TAFA1: variants seen among roughly 807,000 people sequenced by gnomAD.
TAFA1 encodes chemokine-like protein TAFA-1.
TAFA1 carries 4 observed loss-of-function variants against 18.5 expected under a neutral mutation model. The observed-to-expected ratio is 0.22, with a 90% confidence interval of 0.11 to 0.49. The LOEUF (loss-of-function observed/expected upper bound fraction) is 0.49. TAFA1 is among the 20% of genes least tolerant of loss of function. The probability of loss-of-function intolerance (pLI) is 0.98; values close to 1 mark genes in which losing one functional copy is unlikely to be tolerated. For missense variants in TAFA1, 147 were observed against 169.0 expected (o/e 0.87, Z 0.72); for synonymous variants, 56 against 55.2 (o/e 1.01, Z -0.06).
At chr3:68,057,486 T>G (rs1267597008) in intron 2 of TAFA1, among the ~76,000 whole-genome samples, 1 of 152,204 alleles carries the variant, frequency 6.6e-6, no homozygotes, top group East Asian at 1.9e-4. Context: ...GTGGAAGCAA[T>G]CTGCTTCCTT....
At chr3:67,997,325 A>G in the TAFA1 span, among the ~76,000 whole-genome samples, 1 of 152,212 alleles carries the variant, frequency 6.6e-6, no homozygotes. Context: ...TGAAGCAGGT[A>G]TCAGTGAGGC....
intron 2 of TAFA1, among the ~76,000 whole-genome samples, chr3:68,185,004 A>G (rs61477385): frequency 0.017 from 2,612 of 152,234 alleles, 85 homozygotes; most frequent in African/African-American, 0.059. Context: ...ATTTAAACCA[A>G]TAAATATTTA....
At chr3:68,268,591 A>T (rs558904181) in intron 2 of TAFA1, among the ~76,000 whole-genome samples, 43 of 152,288 alleles carry the variant, frequency 2.8e-4, no homozygotes, top group African/African-American at 9.9e-4. Context: ...TAGCAAAGAA[A>T]AGAATGGATG....
At chr3:68,130,297 T>G (rs1180516887) in intron 2 of TAFA1, among the ~76,000 whole-genome samples, 1 of 152,212 alleles carries the variant, frequency 6.6e-6, no homozygotes, top group Non-Finnish European at 1.5e-5. Context: ...TTCCAAGAAT[T>G]TTAGGCACTA....
At chr3:68,215,114 G>A (rs1054722795) in intron 2 of TAFA1, among the ~76,000 whole-genome samples, 8 of 151,846 alleles carry the variant, frequency 5.3e-5, no homozygotes, top group Admixed American at 2.0e-4. Context: ...GAATTTATGC[G>A]GTTATAACTG....
chr3:68,087,532 CTCCCTCCCTCCT>C lies in TAFA1; in HGVS notation c.118+80812_118+80823del, dbSNP rs1332953697. The stretch of plus-strand genomic sequence containing the variant: ...CTTCCCTCCCTTCCTTCCTCCCTCC[CTCCCTCCCTCCT>C]TCCCTCCCTCCTTCCCTCCCTCCCT... On this transcript the variant is annotated intron_variant, in intron 2 of 4. Coordinates refer to ENST00000478136, the MANE Select transcript of TAFA1 (RefSeq NM_213609.4). Among the ~76,000 whole-genome samples the C allele has an allele frequency of 7.0e-5, 10 of 142,280 alleles. No homozygotes were observed. In the East Asian group the frequency reaches 8.4e-4, roughly 12 times the overall value. 93.3% of individuals were successfully genotyped at this position (142,280 alleles called of 152,430 possible).
intron 2 of TAFA1, among the ~76,000 whole-genome samples, chr3:68,031,841 G>T (rs1262530641): frequency 2.6e-5 from 4 of 152,068 alleles, no homozygotes; most frequent in African/African-American, 9.7e-5. Flanking sequence ...TTCATTTTCT[G>T]TTCAAATCTA....
chr3:68,446,810 G>A (rs2071479727), intron 3 of TAFA1, among the ~76,000 whole-genome samples: 1 of 152,174 alleles, frequency 6.6e-6, no homozygotes. Flanking sequence ...GAAACAAAGT[G>A]TCTATGGCAT....
intron 3 of TAFA1, among the ~76,000 whole-genome samples, chr3:68,488,785 A>C (rs2106675742): frequency 6.6e-6 from 1 of 152,318 alleles, no homozygotes. Flanking sequence ...GTGGAATTAA[A>C]GCTGTTGGTG....
chr3:68,182,393 A>G (rs535706479), intron 2 of TAFA1, among the ~76,000 whole-genome samples: 1 of 152,276 alleles, frequency 6.6e-6, no homozygotes, highest in African/African-American at 2.4e-5. Context: ...AATGAGATGT[A>G]TAGTGTGATG....
intron 2 of TAFA1, among the ~76,000 whole-genome samples, chr3:68,087,703 T>G (rs2064987710): frequency 6.6e-6 from 1 of 151,812 alleles, no homozygotes; most frequent in Non-Finnish European, 1.5e-5. Context: ...ATATTAAACA[T>G]TAACTTTTCA....
At chr3:68,346,112 G>A (rs1281481389) in intron 2 of TAFA1, among the ~76,000 whole-genome samples, 1 of 152,040 alleles carries the variant, frequency 6.6e-6, no homozygotes, top group Non-Finnish European at 1.5e-5. Flanking sequence ...TAGAGGGATG[G>A]GCAGCCTACT....
intron 2 of TAFA1, among the ~76,000 whole-genome samples, chr3:68,076,575 G>C (rs1325491792): frequency 2.0e-5 from 3 of 151,686 alleles, no homozygotes; most frequent in African/African-American, 7.3e-5. Flanking sequence ...TTTTGTTCTT[G>C]TGATAGTTTA....
At chr3:68,024,323 A>G (rs1160886503) in intron 2 of TAFA1, among the ~76,000 whole-genome samples, 1 of 152,082 alleles carries the variant, frequency 6.6e-6, no homozygotes, top group African/African-American at 2.4e-5. Flanking sequence ...AAGCTTGGAA[A>G]ACAGTGATAG....
intron 2 of TAFA1, among the ~76,000 whole-genome samples, chr3:68,140,820 T>G (rs2065659863): frequency 6.6e-6 from 1 of 152,180 alleles, no homozygotes; most frequent in South Asian, 2.1e-4. Flanking sequence ...GCCCAGGGCT[T>G]TAGAGCCCAC....
At chr3:68,397,197 G>C (rs1018185473) in intron 2 of TAFA1, among the ~76,000 whole-genome samples, 10 of 151,926 alleles carry the variant, frequency 6.6e-5, no homozygotes, top group African/African-American at 2.2e-4. Context: ...AGAACATGTA[G>C]GTTTGTTACA....
intron 2 of TAFA1, among the ~76,000 whole-genome samples, chr3:68,313,161 G>T (rs1003731731): frequency 2.0e-5 from 3 of 152,152 alleles, no homozygotes; most frequent in Non-Finnish European, 4.4e-5. Flanking sequence ...GATGAGATTT[G>T]GGCGGGGACA....
intron 2 of TAFA1, among the ~76,000 whole-genome samples, chr3:68,062,215 A>G (rs1230669888): frequency 6.6e-6 from 1 of 152,140 alleles, no homozygotes; most frequent in African/African-American, 2.4e-5. Flanking sequence ...TAGACTATCA[A>G]GGTGAATCAA....
chr3:68,010,736 C>A (rs1387293666), intron 2 of TAFA1, among the ~76,000 whole-genome samples: 1 of 152,108 alleles, frequency 6.6e-6, no homozygotes, highest in East Asian at 1.9e-4. Flanking sequence ...GTAAAATGTG[C>A]TGTAGATTAA....
Sources: gnomAD v4.1 joint callset for allele counts (sites outside exome capture counted in the v4.1 genomes callset) on GRCh38, gnomAD v4.1.1 for gene constraint, MANE v1.5 for transcripts, NCBI Gene and HGNC (gene_info 2026-07-23, HGNC 2026-07-21) for gene names.